The following MDFIC variants were observed in gnomAD, a reference collection of about 807,000 sequenced individuals.
MDFIC encodes the protein MyoD family inhibitor domain containing, also known as myoD family inhibitor domain-containing protein.
In MDFIC, 17 loss-of-function variants were observed where a neutral mutation model predicts 23.2. The ratio of observed to expected loss-of-function variants is 0.73; its 90% CI spans 0.50 to 1.10. The LOEUF (loss-of-function observed/expected upper bound fraction) is 1.10. MDFIC is among the 50% of genes least tolerant of loss of function. MDFIC has a pLI of 0.00. For missense variants in MDFIC, 356 were observed against 316.6 expected, an observed-to-expected ratio of 1.12 and a Z score of -0.95; for synonymous variants, 120 against 115.2, an observed-to-expected ratio of 1.04 and a Z score of -0.27.
At chr7:114,923,597 C>A in intron 2 of MDFIC, 1 of 1,490,612 alleles carries the variant, frequency 6.7e-7, no homozygotes, top group Admixed American at 2.3e-5. Flanking sequence ...TTTGGAATGG[C>A]TTATGCTTGT....
Position 115,019,027 on chromosome 7 carries a change from G to C in MDFIC, c.*3092G>C, listed in dbSNP as rs936247328. On this transcript the variant is annotated 3_prime_UTR_variant, in exon 5 of 5. Transcript: ENST00000393486. ...AATACAAGTTTTTTTTTTTTACATC[G>C]TTTTAGTAAGTTAATTTCATTTATT... 6.7e-6 allele frequency: 1 copy of C among 149,916 alleles called. No individual in the cohort carries two copies. 9.3% of individuals were successfully genotyped at this position (149,916 alleles called of 1,614,324 possible). A position where few individuals can be genotyped will look rare whatever the true frequency, so the allele number is the denominator to read the frequency against.
At chr7:114,926,878 T>A (rs943012185) in intron 2 of MDFIC, among the ~76,000 whole-genome samples, 3 of 152,218 alleles carry the variant, frequency 2.0e-5, no homozygotes, top group Non-Finnish European at 4.4e-5. Context: ...CATATTATTT[T>A]ATCCTTTTGA....
chr7:114,954,113 G>A (rs527270919), intron 3 of MDFIC, among the ~76,000 whole-genome samples: 12 of 152,098 alleles, frequency 7.9e-5, no homozygotes, highest in African/African-American at 1.4e-4. Flanking sequence ...TCTAACAGCC[G>A]TACCTGTTTC....
At chr7:114,941,680 C>T (rs1030429439) in intron 2 of MDFIC, among the ~76,000 whole-genome samples, 1 of 152,180 alleles carries the variant, frequency 6.6e-6, no homozygotes, top group Non-Finnish European at 1.5e-5. Context: ...AAAGACTTTA[C>T]ATTTCCTTAC....
chr7:114,960,812 A>T (rs1792975846), intron 3 of MDFIC, among the ~76,000 whole-genome samples: 1 of 152,188 alleles, frequency 6.6e-6, no homozygotes. Context: ...AATACATTTT[A>T]AAAAGGTACA....
At chr7:114,966,063 T>C (rs1285059425) in intron 3 of MDFIC, among the ~76,000 whole-genome samples, 1 of 152,166 alleles carries the variant, frequency 6.6e-6, no homozygotes, top group Non-Finnish European at 1.5e-5. Context: ...TAAAGTTACT[T>C]TAGTGTTTCA....
At chr7:114,943,842 G>A (rs1391291310) in intron 3 of MDFIC, among the ~76,000 whole-genome samples, 1 of 151,974 alleles carries the variant, frequency 6.6e-6, no homozygotes, top group Non-Finnish European at 1.5e-5. Context: ...ACAATTTTAA[G>A]TGTGTGCTTC....
At chr7:114,962,413 T>C (rs867380344) in intron 3 of MDFIC, among the ~76,000 whole-genome samples, 3 of 151,716 alleles carry the variant, frequency 2.0e-5, no homozygotes, top group Middle Eastern at 3.4e-3. Flanking sequence ...TTAATGGGAG[T>C]TTTTAAGTTC....
At chr7:114,952,239 G>T (rs1792792367) in intron 3 of MDFIC, among the ~76,000 whole-genome samples, 1 of 152,196 alleles carries the variant, frequency 6.6e-6, no homozygotes, top group African/African-American at 2.4e-5. Flanking sequence ...ATCGCCATGG[G>T]CAAGCTCCGG....
chr7:114,941,139 A>G (rs1792530747), intron 2 of MDFIC, among the ~76,000 whole-genome samples: 1 of 152,134 alleles, frequency 6.6e-6, no homozygotes, highest in Non-Finnish European at 1.5e-5. Context: ...TTAGTTCTAA[A>G]AATACTTACA....
At chr7:114,934,128 A>G (rs1408634369) in intron 2 of MDFIC, among the ~76,000 whole-genome samples, 1 of 152,216 alleles carries the variant, frequency 6.6e-6, no homozygotes, top group South Asian at 2.1e-4. Flanking sequence ...TGGCTTTAGT[A>G]TGAACATATT....
chr7:115,001,691 C>G (rs922576764), intron 4 of MDFIC, among the ~76,000 whole-genome samples: 1 of 150,184 alleles, frequency 6.7e-6, no homozygotes, highest in Non-Finnish European at 1.5e-5. Context: ...TAGAGAAGTC[C>G]TGTTTTATTT....
chr7:114,931,319 T>C (rs977767946), intron 2 of MDFIC, among the ~76,000 whole-genome samples: 3 of 152,236 alleles, frequency 2.0e-5, no homozygotes, highest in African/African-American at 7.2e-5. Flanking sequence ...AGTCTACTTC[T>C]GTTTTCAGAT....
chr7:114,995,294 T>C (rs1393330992), intron 4 of MDFIC, among the ~76,000 whole-genome samples: 1 of 151,894 alleles, frequency 6.6e-6, no homozygotes, highest in African/African-American at 2.4e-5. Flanking sequence ...GGGTTCGAAC[T>C]TCCCCCTTTA....
intron 3 of MDFIC, among the ~76,000 whole-genome samples, chr7:114,949,408 A>C (rs1330214096): frequency 6.6e-6 from 1 of 152,156 alleles, no homozygotes; most frequent in African/African-American, 2.4e-5. Context: ...TGAAGAAATA[A>C]ATAACATTTA....
rs190647927 is a variant in MDFIC, at chr7:114,974,182, T to A, written c.218-5324T>A. On this transcript the variant is annotated intron_variant, in intron 3 of 4. Coordinates refer to ENST00000393486, the MANE Select transcript of MDFIC (RefSeq NM_001166345.3). ...AGTTGATTTTAGCCTAAATTCACAT[T>A]ATATAGCAATAAAAATGTAAGATAG... is the stretch of plus-strand genomic sequence containing the variant. 2.5e-3 allele frequency among the ~76,000 whole-genome samples: 381 copies of A among 152,224 alleles called. 1 individual carries two copies. The highest frequency in any genetic ancestry group is 3.4e-3 in the Non-Finnish European group (230 of 68,004).
intron 2 of MDFIC, chr7:114,923,695 A>T (rs1234340872): frequency 1.4e-6 from 2 of 1,382,734 alleles, no homozygotes; most frequent in African/African-American, 2.9e-5. Context: ...GTGTTCTTCC[A>T]AAGTGTAAAC....
chr7:114,998,773 G>A (rs1791398033), intron 4 of MDFIC, among the ~76,000 whole-genome samples: 1 of 152,078 alleles, frequency 6.6e-6, no homozygotes, highest in African/African-American at 2.4e-5. Flanking sequence ...TTGCCTGGCT[G>A]AATTGACACC....
At chr7:114,936,834 ATATATT>A (rs769554010) in intron 2 of MDFIC, among the ~76,000 whole-genome samples, 108 of 152,110 alleles carry the variant, frequency 7.1e-4, no homozygotes, top group Non-Finnish European at 9.6e-4. Flanking sequence ...AATAAATATT[ATATATT>A]TAAGTCCTTT....
Sources: gnomAD v4.1 joint callset for allele counts (sites outside exome capture counted in the v4.1 genomes callset) on GRCh38, gnomAD v4.1.1 for gene constraint, MANE v1.5 for transcripts, NCBI Gene and HGNC (gene_info 2026-07-23, HGNC 2026-07-21) for gene names.